PINLYP: variants seen among roughly 807,000 people sequenced by gnomAD.
The protein encoded by PINLYP is phospholipase A2 inhibitor and LY6/PLAUR domain containing, also known as phospholipase A2 inhibitor and Ly6/PLAUR domain-containing protein.
In PINLYP, 12 loss-of-function variants were observed where a neutral mutation model predicts 15.8. The observed-to-expected ratio is 0.76, with a 90% CI of 0.49 to 1.23. PINLYP has a LOEUF of 1.23. PINLYP is among the 50% of genes most tolerant of loss of function. PINLYP has a pLI of 0.00. For synonymous variants in PINLYP, 93 were observed against 97.7 expected (o/e 0.95, Z 0.28); for missense variants, 278 against 264.2 (o/e 1.05, Z -0.36).
At chr19:43,581,588 T>C (rs1184199748) in exon 5 of PINLYP, 1 of 1,536,326 alleles carries the variant, frequency 6.5e-7, no homozygotes, top group East Asian at 2.4e-5. Context: ...TTACTGAGAA[T>C]GGCCTGATGT....
At chr19:43,580,841 C>A (rs1972922127) in intron 3 of PINLYP, among the ~76,000 whole-genome samples, 1 of 152,168 alleles carries the variant, frequency 6.6e-6, no homozygotes, top group African/African-American at 2.4e-5. Flanking sequence ...GTGGCTCCCG[C>A]CTGTAATCCC....
chr19:43,581,611 C>T lies in PINLYP; in HGVS notation c.389C>T (p.Thr130Ile), dbSNP rs958677759. 1.7e-5 allele frequency: 26 copies of T among 1,536,532 alleles called. No individual in the cohort carries two copies. In the Admixed American group the frequency reaches 4.9e-4, roughly 29 times the overall value. The change falls in exon 5 of 6, where the codon ACT becomes ATT. Residue 130 changes from threonine to isoleucine, a missense_variant. Thr to Ile is a moderately conservative substitution (Grantham distance 89). Coordinates refer to ENST00000599207, the Ensembl canonical transcript of PINLYP. ...AATGGCCTGATGTGCCCCGCCTGCA[C>T]TGCGAGCTTCAGGGACAAATGCATG...
chr19:43,579,721 A>G (rs1972907343), intron 3 of PINLYP, among the ~76,000 whole-genome samples: 2 of 149,234 alleles, frequency 1.3e-5, no homozygotes, highest in Admixed American at 1.3e-4. Context: ...CAACAAAAAG[A>G]GATCCATCTC....
upstream of PINLYP, chr19:43,575,722 C>G (rs779072900): frequency 5.3e-6 from 2 of 374,400 alleles, no homozygotes; most frequent in South Asian, 7.1e-5. Context: ...CACACACAAC[C>G]CCGCTCTAGC....
intron 2 of PINLYP, 74 bp from the exon 3 acceptor site, chr19:43,578,516 A>C (rs1972891436): frequency 9.1e-7 from 1 of 1,097,932 alleles, no homozygotes; most frequent in Admixed American, 2.2e-5. Flanking sequence ...AGGACACAAA[A>C]GTCCTAAGTC....
exon 6 of PINLYP, chr19:43,581,903 G>A: frequency 1.3e-6 from 2 of 1,536,714 alleles, no homozygotes; most frequent in Non-Finnish European, 8.7e-7. Flanking sequence ...GCGGGGCTGT[G>A]CTACAGAGAG....
rs1170672475 is a variant in PINLYP at position 43,578,630 on chromosome 19, C to G, written c.111C>G (p.Ser37Arg). Residue 37 changes from serine to arginine, a missense_variant, in exon 3 of 6, where the codon AGC becomes AGG. Transcript: ENST00000599207. ...GCGAAATATGTACGGCGGCGGGGAGCAGGTGCCATGGCCAAATGAAGACCT... is the reference window on the plus strand; with the variant it reads ...GCGAAATATGTACGGCGGCGGGGAGGAGGTGCCATGGCCAAATGAAGACCT... 1.3e-6 allele frequency: 2 copies of G among 1,535,982 alleles called. No individual in the cohort carries two copies. The highest frequency in any genetic ancestry group is 4.9e-5 in the East Asian group (2 of 40,910).
intron 3 of PINLYP, 176 bp downstream of exon 3, chr19:43,578,882 G>C: frequency 1.7e-6 from 1 of 572,548 alleles, no homozygotes; most frequent in South Asian, 1.9e-5. Flanking sequence ...AGAAATAAGT[G>C]GTGTGATAGA....
At chr19:43,580,422 C>A in intron 3 of PINLYP, 1 of 626,920 alleles carries the variant, frequency 1.6e-6, no homozygotes, top group Non-Finnish European at 2.0e-6. Context: ...GTTGGGAGGT[C>A]TGAGGAGTGA....
Position 43,579,388 on chromosome 19 carries a change from G to T in PINLYP, c.187+682G>T, listed in dbSNP as rs1234300698. Among the ~76,000 whole-genome samples the T allele has an allele frequency of 2.0e-5, 3 of 151,874 alleles. No individual in the cohort carries two copies. The East Asian group carries it at 5.9e-4, about 30-fold the overall frequency. ...AGCCTCCCGAGTAGCTGGAATTACA[G>T]GTGCGTGCCACCACACCTGGCTAAT... On this transcript the variant is annotated intron_variant, in intron 3 of 5. Coordinates refer to ENST00000599207, the Ensembl canonical transcript of PINLYP.
exon 3 of PINLYP, chr19:43,578,614 G>C: frequency 6.5e-7 from 1 of 1,535,984 alleles, no homozygotes; most frequent in East Asian, 2.4e-5. Context: ...TGCGAAATAT[G>C]TACGGCGGCG....
At chr19:43,577,383 G>A (rs1972879742) in intron 2 of PINLYP, 122 bp downstream of exon 2, 1 of 1,070,486 alleles carries the variant, frequency 9.3e-7, no homozygotes, top group Non-Finnish European at 1.3e-6. Flanking sequence ...GAACGGGGAG[G>A]CATTCTGGAA....
rs1371893691 is a variant in PINLYP, at chr19:43,579,663, T to C, written c.187+957T>C. Among the ~76,000 whole-genome samples, 20 of 146,296 alleles carry C rather than the reference T, an allele frequency of 1.4e-4. 1 individual carries two copies. The highest frequency in any genetic ancestry group is 1.5e-5 in the Non-Finnish European group (1 of 66,314). The stretch of plus-strand genomic sequence containing the variant: ...CCTGTAATCCCAGCACTTTGGGAGG[T>C]TGAGGTGGGAGGATCGTTTGAGCCC... On this transcript the variant is annotated intron_variant, in intron 3 of 5. Coordinates refer to ENST00000599207, the Ensembl canonical transcript of PINLYP.
rs569891910 is a variant in PINLYP, at chr19:43,580,551, G to A, written c.188-661G>A. On this transcript the variant is annotated intron_variant, in intron 3 of 5. Transcript: ENST00000599207. ...AGGAGGCTGGAAGAGACCATTTCAC[G>A]AAGGCATGGGGGTGGCCATAGGCGG... is the stretch of plus-strand genomic sequence containing the variant. 139 of 981,772 alleles carry A rather than the reference G, an allele frequency of 1.4e-4. No homozygotes were observed. In the African/African-American group the frequency reaches 2.2e-3, roughly 15 times the overall value. The allele number at this position is 981,772 out of a possible 1,614,324, so 60.8% of individuals were successfully genotyped here. A position where few individuals can be genotyped will look rare whatever the true frequency, so the allele number is the denominator to read the frequency against.
chr19:43,578,812 G>A (rs569197607), intron 3 of PINLYP, 106 bp downstream of exon 3: 25 of 841,022 alleles, frequency 3.0e-5, no homozygotes, highest in Admixed American at 1.4e-4. Context: ...AGACGGGAGC[G>A]TGGGAAGAAA....
rs952018147 is a variant in PINLYP at position 43,581,619 on chromosome 19, T to C, written c.397T>C (p.Phe133Leu). The C allele has an allele frequency of 4.6e-6, 7 of 1,536,610 alleles. No homozygotes were observed. The South Asian group carries it at 7.1e-5, about 16-fold the overall frequency. Residue 133 changes from phenylalanine (F) to leucine (L), a missense_variant, in exon 5 of 6, where the codon TTC becomes CTC. Coordinates refer to ENST00000599207, the Ensembl canonical transcript of PINLYP. ...GATGTGCCCCGCCTGCACTGCGAGC[T>C]TCAGGGACAAATGCATGGGGCCCAT...
intron 3 of PINLYP, among the ~76,000 whole-genome samples, chr19:43,579,477 C>T (rs574946525): frequency 6.6e-6 from 1 of 151,546 alleles, no homozygotes; most frequent in Non-Finnish European, 1.5e-5. Context: ...TAACTCCTGA[C>T]CTCAAGTGAT....
At chr19:43,577,411 A>G (rs1417686946) in intron 2 of PINLYP, 150 bp downstream of exon 2, 2 of 880,394 alleles carry the variant, frequency 2.3e-6, no homozygotes, top group African/African-American at 1.7e-5. Flanking sequence ...TTCATGGAAG[A>G]GGCCAAGGGT....
intron 3 of PINLYP, among the ~76,000 whole-genome samples, chr19:43,579,332 A>G (rs1972902882): frequency 6.6e-6 from 1 of 151,688 alleles, no homozygotes; most frequent in Non-Finnish European, 1.5e-5. Context: ...TGCAACCTCC[A>G]CTTCCCAGGT....
Sources: gnomAD v4.1 joint callset for allele counts (sites outside exome capture counted in the v4.1 genomes callset) on GRCh38, gnomAD v4.1.1 for gene constraint, MANE v1.5 for transcripts, NCBI Gene and HGNC (gene_info 2026-07-23, HGNC 2026-07-21) for gene names.